The following CAMK2G variants were observed in gnomAD, a reference collection of about 807,000 sequenced individuals.
The protein encoded by CAMK2G is calcium/calmodulin dependent protein kinase II gamma.
In CAMK2G, 23 loss-of-function variants were observed where a neutral mutation model predicts 88.7. That is an observed-to-expected ratio of 0.26 (90% confidence interval 0.19 to 0.37). CAMK2G has a LOEUF of 0.37. CAMK2G is among the 10% of genes least tolerant of loss of function. CAMK2G has a pLI of 1.00. For missense variants in CAMK2G, 476 were observed against 780.8 expected, an observed-to-expected ratio of 0.61 and a Z score of 4.65; for synonymous variants, 263 against 294.8, an observed-to-expected ratio of 0.89 and a Z score of 1.11.
In CAMK2G at chr10:73,853,117, T is replaced by C. The variant is rs558195303; in HGVS notation, c.275+75A>G. On this transcript the variant is annotated intron_variant, in intron 4 of 22. Transcript: ENST00000423381. Reference sequence around the variant, plus strand: ...CTGGGCGGAGGCTGGAGAGCCTGTTTAGGCCTCTTCCTGAGCCTTCATTTT... The same window carrying C: ...CTGGGCGGAGGCTGGAGAGCCTGTTCAGGCCTCTTCCTGAGCCTTCATTTT... 3.4e-5 allele frequency: 47 copies of C among 1,384,126 alleles called. No individual in the cohort carries two copies. The East Asian group carries it at 1.0e-3, about 30-fold the overall frequency. The allele number at this position is 1,384,126 out of a possible 1,614,324, so 85.7% of individuals were successfully genotyped here. A position where few individuals can be genotyped will look rare whatever the true frequency, so the allele number is the denominator to read the frequency against.
rs182303414 is a variant in CAMK2G at position 73,862,681 on chromosome 10, C to T, written c.161-1792G>A. ...GTCTGAGCCTAGAGCCCTCTTTCTC[C>T]ACCCCTGTGCTATTATGGCCAGATA... On this transcript the variant is annotated intron_variant, in intron 2 of 22. Coordinates refer to ENST00000423381, the MANE Select transcript of CAMK2G (RefSeq NM_001367534.1). Among the ~76,000 whole-genome samples, 9 of 152,320 alleles carry T rather than the reference C, an allele frequency of 5.9e-5. No individual in the cohort carries two copies. The East Asian group carries it at 1.7e-3, about 29-fold the overall frequency.
intron 2 of CAMK2G, among the ~76,000 whole-genome samples, chr10:73,866,133 A>C (rs1057010654): frequency 6.6e-6 from 1 of 152,142 alleles, no homozygotes; most frequent in African/African-American, 2.4e-5. Flanking sequence ...AGGCCCTGGG[A>C]AACAAGGATC....
intron 17 of CAMK2G, among the ~76,000 whole-genome samples, chr10:73,822,685 A>G (rs2089383181): frequency 6.6e-6 from 1 of 151,922 alleles, no homozygotes; most frequent in Non-Finnish European, 1.5e-5. Context: ...GCTTGATTAC[A>G]AAGGCCACAT....
At chr10:73,841,171 T>C (rs1292678867) in intron 12 of CAMK2G, among the ~76,000 whole-genome samples, 1 of 152,234 alleles carries the variant, frequency 6.6e-6, no homozygotes, top group Non-Finnish European at 1.5e-5. Context: ...GCCCTGGCGT[T>C]ACCTGGAGCC....
intron 2 of CAMK2G, among the ~76,000 whole-genome samples, chr10:73,861,103 C>T (rs569804104): frequency 1.5e-4 from 23 of 152,284 alleles, no homozygotes; most frequent in East Asian, 3.9e-4. Flanking sequence ...GTGGCATGAT[C>T]GCAGCCTCAA....
rs570669548 is a variant in CAMK2G, at chr10:73,839,561, G to A, written c.987C>T (p.Ser329=). ...QSSAPASPAA[S]AAGLAGQAAK... The stretch of plus-strand genomic sequence containing the variant: ...TACCTTGCCCGGCCAGGCCGGCGGC[G>A]CTCGCGGCAGGCGAGGCGGGGGCGG... The change falls in exon 13 of 23, where the codon AGC becomes AGT. Residue 329 remains serine, a synonymous_variant. Transcript: ENST00000423381. The surrounding 1 kb of genome is among the most constrained non-coding windows in gnomAD (Gnocchi z 4.2). 5.7e-6 allele frequency: 7 copies of A among 1,234,968 alleles called. No homozygotes were observed. The Admixed American group carries it at 1.7e-4, about 30-fold the overall frequency. 76.5% of individuals were successfully genotyped at this position (1,234,968 alleles called of 1,614,324 possible).
chr10:73,862,187 C>A (rs1164797501), intron 2 of CAMK2G, among the ~76,000 whole-genome samples: 4 of 151,866 alleles, frequency 2.6e-5, no homozygotes, highest in Non-Finnish European at 2.9e-5. Context: ...TCACAGCCCT[C>A]CCCCACTGTC....
chr10:73,828,941 G>A (rs2091819760), intron 14 of CAMK2G, among the ~76,000 whole-genome samples: 1 of 152,186 alleles, frequency 6.6e-6, no homozygotes, highest in Non-Finnish European at 1.5e-5. Flanking sequence ...TATCCCAGAA[G>A]ACTGTGTCTA....
In CAMK2G at chr10:73,874,505, CG is replaced by C; in HGVS notation, c.-45del. ...GCGGCGGTGCAGCCCGCGCCGACGT[CG>C]GTGCACAGTCACCGCCGCCCGGCCG... On this transcript the variant is annotated 5_prime_UTR_variant, in exon 1 of 23. Transcript: ENST00000423381. The C allele has an allele frequency of 7.2e-7, 1 of 1,388,708 alleles. No homozygotes were observed. The highest frequency in any genetic ancestry group is 9.6e-7 in the Non-Finnish European group (1 of 1,043,560). The allele number at this position is 1,388,708 out of a possible 1,614,324, so 86.0% of individuals were successfully genotyped here. A position where few individuals can be genotyped will look rare whatever the true frequency, so the allele number is the denominator to read the frequency against.
intron 15 of CAMK2G, among the ~76,000 whole-genome samples, chr10:73,825,691 A>AG (rs2090699529): frequency 6.6e-6 from 1 of 152,326 alleles, no homozygotes; most frequent in African/African-American, 2.4e-5. Context: ...TACAGGAAAA[A>AG]GGGGGGTAGT....
At chr10:73,841,323 G>C (rs1054356482) in intron 12 of CAMK2G, among the ~76,000 whole-genome samples, 1 of 152,166 alleles carries the variant, frequency 6.6e-6, no homozygotes, top group South Asian at 2.1e-4. Context: ...AGAAGGGGGG[G>C]TCTTGAACCA....
At chr10:73,858,369 G>A (rs2095194019) in intron 3 of CAMK2G, among the ~76,000 whole-genome samples, 1 of 152,210 alleles carries the variant, frequency 6.6e-6, no homozygotes, top group African/African-American at 2.4e-5. Context: ...AGTGGAGAGA[G>A]AAGAGGAATA....
At position 73,848,443 on chromosome 10, in the gene CAMK2G, G is replaced by T; in HGVS notation, c.601+83C>A. 2.2e-6 allele frequency: 2 copies of T among 904,868 alleles called. No individual in the cohort carries two copies. Among genetic ancestry groups the T allele is most frequent in the African/African-American group, 1.6e-5 (1 of 61,194 alleles). 56.1% of individuals were successfully genotyped at this position (904,868 alleles called of 1,614,324 possible). A position where few individuals can be genotyped will look rare whatever the true frequency, so the allele number is the denominator to read the frequency against. The stretch of plus-strand genomic sequence containing the variant: ...CACCAGGCACGTGTGTGACCTGCAA[G>T]GAATAGCGATGCCTCTTTCTTGCCA... On this transcript the variant is annotated intron_variant, in intron 8 of 22. Transcript: ENST00000423381. This position sits in a 1 kb window ranked among gnomAD's most constrained non-coding sequence, Gnocchi z 4.5.
intron 21 of CAMK2G, chr10:73,816,092 G>A (rs1190112748): frequency 2.0e-6 from 2 of 985,440 alleles, no homozygotes; most frequent in African/African-American, 3.5e-5. Context: ...GCAGGATAGG[G>A]AAGGCCCAGC....
At chr10:73,864,329 A>G (rs747544556) in intron 2 of CAMK2G, among the ~76,000 whole-genome samples, 2 of 152,126 alleles carry the variant, frequency 1.3e-5, no homozygotes. Flanking sequence ...GAGGCCTACT[A>G]TGTGACAGAC....
Position 73,815,397 on chromosome 10 carries a change from G to A in CAMK2G, c.1535-150C>T, listed in dbSNP as rs575095095. The A allele has an allele frequency of 2.7e-5, 15 of 558,940 alleles. No homozygotes were observed. The African/African-American group carries it at 2.8e-4, about 11-fold the overall frequency. 34.6% of individuals were successfully genotyped at this position (558,940 alleles called of 1,614,324 possible). Reference sequence around the variant, plus strand: ...CCCCCCCACCCCCGAACCCCTGAACGCCCTCCAGAGGCCAGGATGCCACAT... The same window carrying A: ...CCCCCCCACCCCCGAACCCCTGAACACCCTCCAGAGGCCAGGATGCCACAT... On this transcript the variant is annotated intron_variant, in intron 21 of 22. Transcript: ENST00000423381.
At chr10:73,827,978 A>T (rs2091503528) in intron 15 of CAMK2G, 111 bp downstream of exon 15, 1 of 892,974 alleles carries the variant, frequency 1.1e-6, no homozygotes, top group South Asian at 1.3e-5. Flanking sequence ...CACAGCACAG[A>T]CATGCAGTGA....
At chr10:73,815,275 G>T in intron 21 of CAMK2G, 28 bp from the exon 22 acceptor site, 1 of 1,488,434 alleles carries the variant, frequency 6.7e-7, no homozygotes, top group Non-Finnish European at 9.4e-7. Context: ...GTAGGTAAGA[G>T]GACATCAGGC....
intron 14 of CAMK2G, 168 bp downstream of exon 14, chr10:73,837,300 C>T: frequency 2.8e-6 from 2 of 706,874 alleles, no homozygotes; most frequent in South Asian, 3.1e-5. Flanking sequence ...TCCCTACTTC[C>T]CTCTCAGGCC....
Sources: allele counts gnomAD v4.1 joint callset (sites outside exome capture counted in the v4.1 genomes callset), GRCh38; gene constraint gnomAD v4.1.1; non-coding constraint Gnocchi (gnomAD v3.1); transcripts MANE v1.5; gene names NCBI Gene and HGNC (gene_info 2026-07-23, HGNC 2026-07-21).